The following PCNT variants were observed in gnomAD, a reference collection of about 807,000 sequenced individuals.
PCNT encodes kendrin.
In PCNT, 319 loss-of-function variants were observed where a neutral mutation model predicts 380.4. The ratio of observed to expected loss-of-function variants is 0.84; its 90% CI spans 0.77 to 0.92. The LOEUF (loss-of-function observed/expected upper bound fraction) is 0.92, where lower values mean the gene tolerates loss of function less well. Ranked by LOEUF, PCNT falls within the 40% of genes least tolerant of loss-of-function variation. PCNT has a pLI of 0.00. For missense variants in PCNT, 4,400 were observed against 4,255.3 expected (o/e 1.03, Z -0.95); for synonymous variants, 1,845 against 1,735.2 (o/e 1.06, Z -1.57).
Position 46,363,771 on chromosome 21 carries a change from G to GAGC in PCNT, c.2452_2454dup (p.Gln818dup). ...CCTGGATCTGGAGAGGTCCTTGACGGAGCAGCAGGGCCGCCTGCAGCAGCT... is the reference window on the plus strand; with the variant it reads ...CCTGGATCTGGAGAGGTCCTTGACGGAGCAGCAGCAGGGCCGCCTGCAGCAGCT... On this transcript the variant is annotated inframe_insertion, in exon 14 of 47. Coordinates refer to ENST00000359568, the MANE Select transcript of PCNT (RefSeq NM_006031.6). The GAGC allele has an allele frequency of 6.2e-7, 1 of 1,613,918 alleles. No individual in the cohort carries two copies. The highest frequency in any genetic ancestry group is 2.2e-5 in the East Asian group (1 of 44,882).
rs370485278 is a variant in PCNT, at chr21:46,357,034, G to C, written c.1997G>C (p.Arg666Pro). The C allele has an allele frequency of 1.9e-5, 31 of 1,614,108 alleles. No individual in the cohort carries two copies. The African/African-American group carries it at 2.9e-4, about 15-fold the overall frequency. The change falls in exon 13 of 47, where the codon CGG (arginine) becomes CCG (proline). Residue 666 changes from arginine (R) to proline (P), a missense_variant. Coordinates refer to ENST00000359568, the MANE Select transcript of PCNT (RefSeq NM_006031.6). ...GGGGACTTGGAGGCCGACACAGAGC[G>C]GGCAGCCAGAGTCTTGGGTCTGGAA... ...QDGDLEADTE[R>P]AARVLGLETE...
chr21:46,428,301 C>G (rs2087594250), intron 34 of PCNT, 94 bp from the exon 35 acceptor site: 1 of 1,134,250 alleles, frequency 8.8e-7, no homozygotes, highest in African/African-American at 1.5e-5. Flanking sequence ...CAGGCTTGTC[C>G]CGGCGGAGCT....
rs145534063 is a variant in PCNT at position 46,391,201 on chromosome 21, G to C, written c.4041G>C (p.Leu1347=). The change falls in exon 21 of 47, where the codon CTG becomes CTC. Residue 1347 remains leucine, a synonymous_variant. Coordinates refer to ENST00000359568, the MANE Select transcript of PCNT (RefSeq NM_006031.6). ...GATTCAAGGTGGAGACAGCAGATCT[G>C]AAGGAGGTGCTGGCCGGGAAGGAGG... ...LEGFKVETAD[L]KEVLAGKEDS... The C allele has an allele frequency of 9.9e-6, 16 of 1,608,822 alleles. No individual in the cohort carries two copies. In the Middle Eastern group the frequency reaches 8.3e-4, roughly 83 times the overall value.
At chr21:46,400,512 C>CTTTTTTTTTTTTTTTTTT (rs1215264897) in intron 25 of PCNT, among the ~76,000 whole-genome samples, 1 of 84,540 alleles carries the variant, frequency 1.2e-5, no homozygotes, top group African/African-American at 4.6e-5. Flanking sequence ...GTGTCTGATT[C>CTTTTTTTTTTTTTTTTTT]TTTTTTTTTT....
At chr21:46,380,504 C>T (rs558873888) in intron 15 of PCNT, among the ~76,000 whole-genome samples, 76 of 151,942 alleles carry the variant, frequency 5.0e-4, no homozygotes, top group African/African-American at 1.6e-3. Context: ...GACCCAGTCA[C>T]GGCAGCAAGG....
In PCNT at chr21:46,443,953, G is replaced by A. The variant is rs748340831; in HGVS notation, c.9839+5G>A. 9.9e-6 allele frequency: 16 copies of A among 1,611,520 alleles called. No homozygotes were observed. The highest frequency in any genetic ancestry group is 1.4e-5 in the Non-Finnish European group (16 of 1,179,528). On this transcript the variant is annotated splice_donor_5th_base_variant and intron_variant, in intron 45 of 46. Transcript: ENST00000359568. The stretch of plus-strand genomic sequence containing the variant: ...CTCCCCACACAGTGGGGGAAGGTCA[G>A]TGTGATGCCTTCAGGCCCCGTCTCC...
chr21:46,389,937 C>G (rs931414067), intron 19 of PCNT, among the ~76,000 whole-genome samples: 1 of 152,170 alleles, frequency 6.6e-6, no homozygotes, highest in Admixed American at 6.5e-5. Context: ...ATGTGGCCCT[C>G]CCGGAGTTGG....
intron 15 of PCNT, 67 bp downstream of exon 15, chr21:46,367,206 C>A: frequency 2.2e-6 from 3 of 1,368,652 alleles, no homozygotes; most frequent in African/African-American, 1.4e-5. Context: ...GTTTCCACCG[C>A]GTGTCACATG....
At chr21:46,356,372 T>G (rs1430667574) in intron 12 of PCNT, among the ~76,000 whole-genome samples, 2 of 152,230 alleles carry the variant, frequency 1.3e-5, no homozygotes, top group African/African-American at 4.8e-5. Context: ...TCCTCACTCC[T>G]GCCTGCCCTG....
At chr21:46,370,200 G>A (rs1054261559) in intron 15 of PCNT, among the ~76,000 whole-genome samples, 2 of 151,164 alleles carry the variant, frequency 1.3e-5, no homozygotes, top group East Asian at 3.9e-4. Context: ...CCTGGCCAGC[G>A]AGGCAGCTGC....
At chr21:46,371,411 C>T (rs568207054) in intron 15 of PCNT, among the ~76,000 whole-genome samples, 7 of 152,240 alleles carry the variant, frequency 4.6e-5, no homozygotes, top group African/African-American at 1.7e-4. Flanking sequence ...TGGTCTTGAA[C>T]TCATGGGCTC....
intron 13 of PCNT, among the ~76,000 whole-genome samples, chr21:46,359,723 A>AAG (rs575304013): frequency 1.5e-4 from 17 of 111,942 alleles, no homozygotes; most frequent in Middle Eastern, 4.3e-3. Flanking sequence ...TCCTGACCTC[A>AAG]TGATCTGCCT....
rs1336673100 is a variant in PCNT at position 46,357,122 on chromosome 21, A to C, written c.2085A>C (p.Leu695=). 2 of 1,613,768 alleles carry C rather than the reference A, an allele frequency of 1.2e-6. No homozygotes were observed. Among genetic ancestry groups the C allele is most frequent in the African/African-American group, 2.7e-5 (2 of 74,930 alleles). The change falls in exon 13 of 47, where the codon CTA becomes CTC. Residue 695 remains leucine, a synonymous_variant. Transcript: ENST00000359568. ...QTELKEEIEL[L]KIENRNLYGK... is the part of the protein sequence containing the mutation. The stretch of plus-strand genomic sequence containing the variant: ...AGCTCAAAGAAGAAATTGAACTCCT[A>C]AAAATAGAAAATAGAAATTTGTATG...
At chr21:46,391,084 C>A in intron 20 of PCNT, 80 bp from the exon 21 acceptor site, 2 of 1,365,148 alleles carry the variant, frequency 1.5e-6, no homozygotes, top group Non-Finnish European at 2.0e-6. Context: ...GGGGCAGTGG[C>A]CCCGTCCCTT....
In PCNT at chr21:46,418,239, T is replaced by G. The variant is rs61735813; in HGVS notation, c.6957T>G (p.Phe2319Leu). ...KDVEDFITTS[F>L]DSQETLSSPP... ...TCGAAGATTTTATCACAACATCCTT[T>G]GATTCTCAAGAAACATTAAGTTCAC... is the stretch of plus-strand genomic sequence containing the variant. The change falls in exon 31 of 47, where the codon TTT becomes TTG. Residue 2319 changes from phenylalanine to leucine, a missense_variant. Transcript: ENST00000359568. The G allele has an allele frequency of 1.3e-3, 2,085 of 1,609,758 alleles. 13 individuals carry two copies. The highest frequency in any genetic ancestry group is 5.1e-3 in the Middle Eastern group (31 of 6,060).
chr21:46,326,359 AT>A lies in PCNT; in HGVS notation c.55-17del. ...TCACTTACCTTTGCCTTTACTACTT[AT>A]CTACATTTTTGCGCAGCTTGCTCAC... On this transcript the variant is annotated splice_polypyrimidine_tract_variant and intron_variant, in intron 1 of 46. Coordinates refer to ENST00000359568, the MANE Select transcript of PCNT (RefSeq NM_006031.6). 1.2e-6 allele frequency: 2 copies of A among 1,613,086 alleles called. No homozygotes were observed. Among genetic ancestry groups the A allele is most frequent in the Non-Finnish European group, 8.5e-7 (1 of 1,179,090 alleles).
chr21:46,325,222 T>TCC (rs112048989), intron 1 of PCNT: 1 of 980,550 alleles, frequency 1.0e-6, no homozygotes, highest in Non-Finnish European at 1.2e-6. Flanking sequence ...TGCGCGCCGC[T>TCC]CCCCCCCAGG....
At position 46,425,350 on chromosome 21, in the gene PCNT, G is replaced by A. The variant is rs2147899170; in HGVS notation, c.7180-481G>A. Among the ~76,000 whole-genome samples, 2 of 152,362 alleles carry A rather than the reference G, an allele frequency of 1.3e-5. No homozygotes were observed. Among genetic ancestry groups the A allele is most frequent in the South Asian group, 2.1e-4 (1 of 4,832 alleles). ...CCCAGCACAGGCAGCTTCACCCCAC[G>A]CTGGTGGTCGGCACTGGCCTCAGCC... On this transcript the variant is annotated intron_variant, in intron 32 of 46. Transcript: ENST00000359568. The surrounding 1 kb of genome is among the most constrained non-coding windows in gnomAD (Gnocchi z 4.2).
chr21:46,353,838 C>T, intron 10 of PCNT, 149 bp from the exon 11 acceptor site: 8 of 720,222 alleles, frequency 1.1e-5, no homozygotes, highest in Non-Finnish European at 1.7e-5. Context: ...TTGTGACTGC[C>T]ACGGCTCCCC....
Sources: gnomAD v4.1 joint callset for allele counts (sites outside exome capture counted in the v4.1 genomes callset) on GRCh38, gnomAD v4.1.1 for gene constraint, Gnocchi (gnomAD v3.1) non-coding constraint, MANE v1.5 for transcripts, NCBI Gene and HGNC (gene_info 2026-07-23, HGNC 2026-07-21) for gene names.